The following ABHD5 variants were observed in gnomAD, a reference collection of about 807,000 sequenced individuals.
ABHD5 encodes the protein abhydrolase domain containing 5, lysophosphatidic acid acyltransferase.
In ABHD5, 30 loss-of-function variants were observed where a neutral mutation model predicts 44.9. The observed-to-expected ratio is 0.67, with a 90% CI of 0.50 to 0.91. The LOEUF is 0.91. ABHD5 is among the 40% of genes least tolerant of loss of function. The probability of loss-of-function intolerance (pLI) is 0.00; values close to 1 mark genes in which losing one functional copy is unlikely to be tolerated. For missense variants in ABHD5, 399 were observed against 423.4 expected, an observed-to-expected ratio of 0.94 and a Z score of 0.50; for synonymous variants, 167 against 147.0, an observed-to-expected ratio of 1.14 and a Z score of -0.99.
chr3:43,700,363 A>G lies in ABHD5; in HGVS notation c.133+1002A>G, dbSNP rs113807300. Among the ~76,000 whole-genome samples the G allele has an allele frequency of 3.8e-3, 578 of 152,188 alleles. 7 individuals carry two copies. Among genetic ancestry groups the G allele is most frequent in the African/African-American group, 0.013 (560 of 41,500 alleles). ...TTCTAAGTAGTGGTACTTATTGTGC[A>G]ATTTTGTTCTGCTGATTCTACTTAA... is the stretch of plus-strand genomic sequence containing the variant. On this transcript the variant is annotated intron_variant, in intron 2 of 6. Transcript: ENST00000644371.
chr3:43,715,115 G>GTGTA lies in ABHD5; in HGVS notation c.773+60_773+61insATGT. Reference sequence around the variant, plus strand: ...TGTGTGTGTGTGTGTGTGTGTGTGTGTGTGTTTGTGTGTGTTTTAGACTAT... The same window carrying GTGTA: ...TGTGTGTGTGTGTGTGTGTGTGTGTGTGTATGTGTTTGTGTGTGTTTTAGACTAT... On this transcript the variant is annotated intron_variant, in intron 5 of 6. Coordinates refer to ENST00000644371, the MANE Select transcript of ABHD5 (RefSeq NM_016006.6). 3 of 1,131,728 alleles carry GTGTA rather than the reference G, an allele frequency of 2.7e-6. No homozygotes were observed. The South Asian group carries it at 3.8e-5, about 14-fold the overall frequency. 70.1% of individuals were successfully genotyped at this position (1,131,728 alleles called of 1,614,324 possible). A position where few individuals can be genotyped will look rare whatever the true frequency, so the allele number is the denominator to read the frequency against.
At chr3:43,700,068 T>C (rs1249253690) in intron 2 of ABHD5, among the ~76,000 whole-genome samples, 1 of 152,212 alleles carries the variant, frequency 6.6e-6, no homozygotes, top group Admixed American at 6.5e-5. Flanking sequence ...AGTACTAGAC[T>C]GGACCCAGGT....
intron 3 of ABHD5, among the ~76,000 whole-genome samples, chr3:43,708,392 C>A (rs1431429383): frequency 6.6e-6 from 1 of 152,150 alleles, no homozygotes. Flanking sequence ...CATTAAAACC[C>A]AGTAACTCCT....
downstream of ABHD5, among the ~76,000 whole-genome samples, chr3:43,727,279 T>A (rs570760839): frequency 6.6e-6 from 1 of 152,326 alleles, no homozygotes; most frequent in East Asian, 1.9e-4. Flanking sequence ...CATTCTCTAG[T>A]GTCTTCAGGT....
chr3:43,730,611 C>A (rs1372553253), intron 7 of ABHD5, among the ~76,000 whole-genome samples: 1 of 147,656 alleles, frequency 6.8e-6, no homozygotes, highest in Non-Finnish European at 1.5e-5. Flanking sequence ...GCTCATCATG[C>A]AGTCTTCCCT....
chr3:43,715,944 A>G (rs1575606542), intron 5 of ABHD5, among the ~76,000 whole-genome samples: 2 of 152,210 alleles, frequency 1.3e-5, no homozygotes, highest in East Asian at 1.9e-4. Flanking sequence ...TCTGTAGGTC[A>G]GCATTAGAAA....
intron 7 of ABHD5, among the ~76,000 whole-genome samples, chr3:43,730,535 T>A (rs545498990): frequency 1.5e-5 from 2 of 136,326 alleles, no homozygotes; most frequent in Non-Finnish European, 3.1e-5. Context: ...AGACGGGATC[T>A]TCCCCTGTCT....
At chr3:43,717,952 G>T (rs1448519940) in intron 6 of ABHD5, 95 bp downstream of exon 6, 1 of 1,528,150 alleles carries the variant, frequency 6.5e-7, no homozygotes, top group African/African-American at 1.4e-5. Context: ...CGTGTTGCAG[G>T]TCATCTGAGC....
Position 43,721,624 on chromosome 3 carries a change from G to A in ABHD5, c.*3092G>A, listed in dbSNP as rs1313788837. 6.6e-6 allele frequency: 1 copy of A among 151,932 alleles called. No individual in the cohort carries two copies. Among genetic ancestry groups the A allele is most frequent in the African/African-American group, 2.4e-5 (1 of 41,336 alleles). The allele number at this position is 151,932 out of a possible 1,614,324, so 9.4% of individuals were successfully genotyped here. On this transcript the variant is annotated 3_prime_UTR_variant, in exon 7 of 7. Coordinates refer to ENST00000644371, the MANE Select transcript of ABHD5 (RefSeq NM_016006.6). Reference sequence around the variant, plus strand: ...GGGTTCCACCTACTTGGGAGGCTGAGGTAGGAGGACTGTGAGCCCAGGAGT... The same window carrying A: ...GGGTTCCACCTACTTGGGAGGCTGAAGTAGGAGGACTGTGAGCCCAGGAGT...
At position 43,722,162 on chromosome 3, in the gene ABHD5, A is replaced by G. The variant is rs529460122; in HGVS notation, c.*3630A>G. 6.6e-6 allele frequency: 1 copy of G among 152,384 alleles called. No homozygotes were observed. The highest frequency in any genetic ancestry group is 2.1e-4 in the South Asian group (1 of 4,834). The allele number at this position is 152,384 out of a possible 1,614,324, so 9.4% of individuals were successfully genotyped here. On this transcript the variant is annotated 3_prime_UTR_variant, in exon 7 of 7. Transcript: ENST00000644371. ...GATTACAGCACTGTTTCTAATAGCT[A>G]CAGACTGGAAGCCAGCCAAATCTCC...
At chr3:43,711,660 T>C (rs757265570) in intron 3 of ABHD5, 49 bp from the exon 4 acceptor site, 8 of 1,603,934 alleles carry the variant, frequency 5.0e-6, no homozygotes, top group Middle Eastern at 1.7e-4. Context: ...CTTTATAGTC[T>C]TAGGGTGATT....
chr3:43,709,667 T>C (rs750378048), intron 3 of ABHD5, among the ~76,000 whole-genome samples: 6 of 152,192 alleles, frequency 3.9e-5, no homozygotes, highest in South Asian at 2.1e-4. Context: ...TGCTTTCAAC[T>C]AGGTGGCTGT....
At chr3:43,715,816 T>C (rs1217959143) in intron 5 of ABHD5, among the ~76,000 whole-genome samples, 1 of 152,214 alleles carries the variant, frequency 6.6e-6, no homozygotes, top group African/African-American at 2.4e-5. Flanking sequence ...GTCTATACTA[T>C]GAATCCTCTT....
intron 3 of ABHD5, among the ~76,000 whole-genome samples, chr3:43,705,248 A>G (rs376523041): frequency 2.6e-5 from 4 of 152,178 alleles, no homozygotes; most frequent in Admixed American, 6.5e-5. Flanking sequence ...TGGTCATGTC[A>G]TATCTTTCTA....
At chr3:43,701,366 A>T (rs1465829597) in intron 2 of ABHD5, among the ~76,000 whole-genome samples, 2 of 152,200 alleles carry the variant, frequency 1.3e-5, no homozygotes, top group African/African-American at 4.8e-5. Context: ...CTTTGGTTAA[A>T]AGGCAGAAAC....
chr3:43,692,301 C>G (rs1559407625), intron 1 of ABHD5, among the ~76,000 whole-genome samples: 2 of 152,196 alleles, frequency 1.3e-5, no homozygotes, highest in South Asian at 4.1e-4. Flanking sequence ...GATGAACTTC[C>G]TCGTTGCACT....
chr3:43,693,120 A>G (rs1459038897), intron 1 of ABHD5, among the ~76,000 whole-genome samples: 1 of 152,206 alleles, frequency 6.6e-6, no homozygotes, highest in Non-Finnish European at 1.5e-5. Flanking sequence ...AAGTTGTCCT[A>G]GAGAATGATT....
chr3:43,718,486 A>G lies in ABHD5; in HGVS notation c.1004A>G (p.Glu335Gly). The G allele has an allele frequency of 2.5e-6, 4 of 1,614,166 alleles. No homozygotes were observed. The highest frequency in any genetic ancestry group is 3.4e-6 in the Non-Finnish European group (4 of 1,180,002). The change falls in exon 7 of 7, where the codon GAA becomes GGA. Residue 335 changes from glutamate (E) to glycine (G), a missense_variant. By Grantham distance (98) the Glu-to-Gly change is moderately conservative (BLOSUM62 -2). Transcript: ENST00000644371. ...CATTATGTATATGCAGATCAACCAG[A>G]AGAATTCAACCAGAAAGTAAAGGAG... is the stretch of plus-strand genomic sequence containing the variant. ...AGHYVYADQPEEFNQKVKEIC... is the reference protein window; with the variant it reads ...AGHYVYADQPGEFNQKVKEIC...
Position 43,695,343 on chromosome 3 carries a change from A to T in ABHD5, c.48-3933A>T, listed in dbSNP as rs549023200. On this transcript the variant is annotated intron_variant, in intron 1 of 6. Coordinates refer to ENST00000644371, the MANE Select transcript of ABHD5 (RefSeq NM_016006.6). ...ATGTATATATTCATACCTGTAATTC[A>T]TTTGGATATTTATAATAAAAATCAA... Among the ~76,000 whole-genome samples the T allele has an allele frequency of 2.1e-4, 32 of 152,328 alleles. No homozygotes were observed. The South Asian group carries it at 6.6e-3, about 32-fold the overall frequency.
Sources: gnomAD v4.1 joint callset for allele counts (sites outside exome capture counted in the v4.1 genomes callset) on GRCh38, gnomAD v4.1.1 for gene constraint, MANE v1.5 for transcripts, NCBI Gene and HGNC (gene_info 2026-07-23, HGNC 2026-07-21) for gene names.